Variants in PTPRZ1 observed in about 807,000 individuals in gnomAD.
The protein encoded by PTPRZ1 is receptor-type tyrosine-protein phosphatase zeta.
Under a neutral mutation model 214.1 loss-of-function variants are expected in PTPRZ1, and 82 were observed. That is an observed-to-expected ratio of 0.38 (90% CI 0.32 to 0.46). The LOEUF is 0.46. Among genes scored for constraint, PTPRZ1 ranks in the 20% least tolerant of loss-of-function variants. The pLI, the probability that PTPRZ1 is intolerant of heterozygous loss-of-function variation, is 1.00. For missense variants in PTPRZ1, 2,603 were observed against 2,748.7 expected (o/e 0.95, Z 1.19); for synonymous variants, 945 against 987.9 (o/e 0.96, Z 0.81).
intron 1 of PTPRZ1, among the ~76,000 whole-genome samples, chr7:121,896,484 A>G (rs1166287469): frequency 6.6e-6 from 1 of 152,196 alleles, no homozygotes; most frequent in Non-Finnish European, 1.5e-5. Context: ...AAAATTTGGT[A>G]TATGTATCAA....
At chr7:122,031,664 C>A (rs1799380908) in intron 15 of PTPRZ1, 105 bp downstream of exon 15, 2 of 710,780 alleles carry the variant, frequency 2.8e-6, no homozygotes, top group Non-Finnish European at 4.5e-6. Flanking sequence ...ACCATTTGCA[C>A]TTCTAGTAAA....
chr7:122,003,407 A>C (rs567335444), intron 10 of PTPRZ1, among the ~76,000 whole-genome samples: 1 of 152,316 alleles, frequency 6.6e-6, no homozygotes, highest in African/African-American at 2.4e-5. Flanking sequence ...GAAGCTAGGC[A>C]TGCTTAATAG....
chr7:121,932,484 CTA>C (rs1318752738), intron 2 of PTPRZ1, among the ~76,000 whole-genome samples: 2 of 152,112 alleles, frequency 1.3e-5, no homozygotes, highest in Non-Finnish European at 2.9e-5. Flanking sequence ...ACATTCAGTT[CTA>C]GTTTCACCTT....
chr7:122,038,701 T>C, intron 18 of PTPRZ1, 54 bp from the exon 19 acceptor site: 1 of 1,570,764 alleles, frequency 6.4e-7, no homozygotes, highest in Non-Finnish European at 8.7e-7. Flanking sequence ...ATTGTACAGT[T>C]AAAGATGACA....
intron 13 of PTPRZ1, among the ~76,000 whole-genome samples, chr7:122,021,478 A>T (rs1799014990): frequency 6.6e-6 from 1 of 152,160 alleles, no homozygotes; most frequent in Non-Finnish European, 1.5e-5. Flanking sequence ...CACACCTGTA[A>T]TCCCAGCAAT....
At chr7:121,953,630 C>T (rs1796623160) in intron 2 of PTPRZ1, among the ~76,000 whole-genome samples, 1 of 152,330 alleles carries the variant, frequency 6.6e-6, no homozygotes, top group African/African-American at 2.4e-5. Flanking sequence ...TCCTTGGAGA[C>T]ATCTGAGAGA....
intron 3 of PTPRZ1, among the ~76,000 whole-genome samples, chr7:121,969,455 G>T (rs549153691): frequency 2.6e-5 from 4 of 151,354 alleles, no homozygotes; most frequent in African/African-American, 9.7e-5. Flanking sequence ...CCAGCTACTC[G>T]GGAGGCTGAG....
At chr7:121,926,014 A>G (rs1795745289) in intron 1 of PTPRZ1, among the ~76,000 whole-genome samples, 1 of 152,174 alleles carries the variant, frequency 6.6e-6, no homozygotes, top group Non-Finnish European at 1.5e-5. Flanking sequence ...GAGTAGAGAA[A>G]GAATTACAAG....
chr7:122,049,328 A>T (rs1415680794), intron 23 of PTPRZ1, among the ~76,000 whole-genome samples: 2 of 152,110 alleles, frequency 1.3e-5, no homozygotes, highest in African/African-American at 2.4e-5. Flanking sequence ...ATTATTCTGG[A>T]AATAGAATTA....
intron 6 of PTPRZ1, among the ~76,000 whole-genome samples, chr7:121,983,384 T>C (rs2116567143): frequency 6.6e-6 from 1 of 152,330 alleles, no homozygotes; most frequent in East Asian, 1.9e-4. Flanking sequence ...TATAACTATA[T>C]CTATTGAGAT....
At chr7:121,879,502 T>A (rs950591271) in intron 1 of PTPRZ1, among the ~76,000 whole-genome samples, 2 of 152,224 alleles carry the variant, frequency 1.3e-5, no homozygotes, top group African/African-American at 4.8e-5. Context: ...CAAAACAGTT[T>A]TGAAAACCAG....
At chr7:121,923,348 G>A (rs956248466) in intron 1 of PTPRZ1, among the ~76,000 whole-genome samples, 2 of 152,148 alleles carry the variant, frequency 1.3e-5, no homozygotes, top group Non-Finnish European at 1.5e-5. Flanking sequence ...TATGCAAGAA[G>A]TATCATCTAC....
chr7:121,945,839 C>T (rs148577237), intron 2 of PTPRZ1, among the ~76,000 whole-genome samples: 2 of 152,272 alleles, frequency 1.3e-5, no homozygotes, highest in East Asian at 3.9e-4. Context: ...GCCTCTTCTC[C>T]ACCTCCCTAG....
intron 1 of PTPRZ1, chr7:121,908,358 C>G: frequency 6.2e-5 from 13 of 209,016 alleles, no homozygotes; most frequent in South Asian, 2.2e-4. Context: ...TAGATCAATC[C>G]CTTTGGAAAA....
At chr7:121,965,899 A>T (rs1797034541) in intron 2 of PTPRZ1, among the ~76,000 whole-genome samples, 1 of 152,232 alleles carries the variant, frequency 6.6e-6, no homozygotes, top group Admixed American at 6.5e-5. Flanking sequence ...TAAAATGTAG[A>T]TTCAGACTTC....
rs189502185 is a variant in PTPRZ1 at position 122,041,483 on chromosome 7, T to A, written c.5801+504T>A. 2.7e-5 allele frequency among the ~76,000 whole-genome samples: 4 copies of A among 148,166 alleles called. No homozygotes were observed. The East Asian group carries it at 7.7e-4, about 29-fold the overall frequency. ...GGACCAGAATCCCTTTTTCATTTTC[T>A]TGAGTTTTAATACATTACATTGAAT... is the stretch of plus-strand genomic sequence containing the variant. On this transcript the variant is annotated intron_variant, in intron 21 of 29. Coordinates refer to ENST00000393386, the MANE Select transcript of PTPRZ1 (RefSeq NM_002851.3).
intron 13 of PTPRZ1, among the ~76,000 whole-genome samples, chr7:122,019,758 G>T (rs1267436575): frequency 1.3e-5 from 2 of 152,266 alleles, no homozygotes; most frequent in East Asian, 1.9e-4. Context: ...AGAGACTACA[G>T]CTAATGACTA....
rs572345305 is a variant in PTPRZ1, at chr7:121,983,935, A to G, written c.778-32A>G. On this transcript the variant is annotated intron_variant, in intron 7 of 29. Coordinates refer to ENST00000393386, the MANE Select transcript of PTPRZ1 (RefSeq NM_002851.3). ...AAGCATTTACCAATGCCTTTGAAGC[A>G]GATATGTTAAATTATTTGATCTTTT... is the stretch of plus-strand genomic sequence containing the variant. 6 of 1,605,010 alleles carry G rather than the reference A, an allele frequency of 3.7e-6. No individual in the cohort carries two copies. The African/African-American group carries it at 6.7e-5, about 18-fold the overall frequency.
rs544446522 is a variant in PTPRZ1 at position 122,031,645 on chromosome 7, G to C, written c.5166+86G>C. 42 of 937,930 alleles carry C rather than the reference G, an allele frequency of 4.5e-5. No individual in the cohort carries two copies. The African/African-American group carries it at 5.7e-4, about 13-fold the overall frequency. The allele number at this position is 937,930 out of a possible 1,614,324, so 58.1% of individuals were successfully genotyped here. ...GCAATAGGCTATTTCTTGACCTAAA[G>C]ACAGTGCAACCATTTGCACTTCTAG... On this transcript the variant is annotated intron_variant, in intron 15 of 29. Coordinates refer to ENST00000393386, the MANE Select transcript of PTPRZ1 (RefSeq NM_002851.3).
Sources: allele counts gnomAD v4.1 joint callset (sites outside exome capture counted in the v4.1 genomes callset), GRCh38; gene constraint gnomAD v4.1.1; transcripts MANE v1.5; gene names NCBI Gene and HGNC (gene_info 2026-07-23, HGNC 2026-07-21).